GPC5: variants seen among roughly 807,000 people sequenced by gnomAD.
The protein encoded by GPC5 is glypican-5.
A neutral mutation model predicts 53.9 loss-of-function variants in GPC5; 47 were observed. The ratio of observed to expected loss-of-function variants is 0.87; its 90% CI spans 0.69 to 1.11. The LOEUF (loss-of-function observed/expected upper bound fraction) is 1.11. Among genes scored for constraint, GPC5 ranks in the 50% most tolerant of loss-of-function variants. GPC5 has a pLI of 0.00. For missense variants in GPC5, 748 were observed against 713.1 expected, an observed-to-expected ratio of 1.05 and a Z score of -0.56; for synonymous variants, 286 against 263.3, an observed-to-expected ratio of 1.09 and a Z score of -0.84.
At chr13:92,437,315 G>A (rs1429433473) in intron 7 of GPC5, among the ~76,000 whole-genome samples, 1 of 152,044 alleles carries the variant, frequency 6.6e-6, no homozygotes, top group Non-Finnish European at 1.5e-5. Context: ...TCTTTATTTA[G>A]TTTTTTGATT....
chr13:91,448,987 A>T (rs752621736), intron 2 of GPC5, 65 bp downstream of exon 2: 1 of 1,500,432 alleles, frequency 6.7e-7, no homozygotes, highest in Non-Finnish European at 9.0e-7. Context: ...TAAGATAGTT[A>T]CGTTGGCAAA....
At chr13:92,491,029 C>G (rs137994156) in intron 7 of GPC5, among the ~76,000 whole-genome samples, 1 of 152,064 alleles carries the variant, frequency 6.6e-6, no homozygotes, top group Non-Finnish European at 1.5e-5. Flanking sequence ...CAGATGGTCT[C>G]GTTACTATAT....
intron 7 of GPC5, among the ~76,000 whole-genome samples, chr13:92,534,267 G>A (rs1370707840): frequency 1.3e-5 from 2 of 152,066 alleles, no homozygotes; most frequent in Non-Finnish European, 2.9e-5. Flanking sequence ...GTGACAGAGT[G>A]CAACTCTGTC....
intron 5 of GPC5, among the ~76,000 whole-genome samples, chr13:91,808,612 C>G (rs1050065510): frequency 2.6e-5 from 4 of 152,080 alleles, no homozygotes; most frequent in African/African-American, 9.7e-5. Flanking sequence ...AGAGGAAATA[C>G]AACATATTAC....
intron 7 of GPC5, among the ~76,000 whole-genome samples, chr13:92,561,883 G>A (rs1306069260): frequency 1.3e-5 from 2 of 152,064 alleles, no homozygotes; most frequent in Admixed American, 6.6e-5. Context: ...AGAAAGGAAC[G>A]AAGAATGCAC....
chr13:91,599,309 A>G (rs1251968504), intron 2 of GPC5, among the ~76,000 whole-genome samples: 1 of 152,170 alleles, frequency 6.6e-6, no homozygotes, highest in Admixed American at 6.5e-5. Flanking sequence ...GTTACTAAAA[A>G]TATAACTACT....
chr13:92,329,195 G>A (rs1200585158), intron 7 of GPC5, among the ~76,000 whole-genome samples: 1 of 152,106 alleles, frequency 6.6e-6, no homozygotes, highest in Non-Finnish European at 1.5e-5. Flanking sequence ...TGATAAATAA[G>A]GCAGGCTTAC....
chr13:92,141,890 A>T (rs1448807829), intron 6 of GPC5, among the ~76,000 whole-genome samples: 1 of 152,136 alleles, frequency 6.6e-6, no homozygotes, highest in Non-Finnish European at 1.5e-5. Flanking sequence ...CCAAGAGGCC[A>T]CTAGTGGTAC....
At chr13:92,717,375 A>T (rs1888367691) in intron 7 of GPC5, among the ~76,000 whole-genome samples, 1 of 152,162 alleles carries the variant, frequency 6.6e-6, no homozygotes, top group South Asian at 2.1e-4. Flanking sequence ...TACCATGAAT[A>T]TAATATTTAC....
intron 6 of GPC5, among the ~76,000 whole-genome samples, chr13:91,975,353 ATT>A (rs899172986): frequency 6.6e-6 from 1 of 152,096 alleles, no homozygotes; most frequent in African/African-American, 2.4e-5. Flanking sequence ...ATGGGAGAAA[ATT>A]TTTGCAACCT....
chr13:92,063,349 G>A (rs140166022), intron 6 of GPC5, among the ~76,000 whole-genome samples: 1 of 151,952 alleles, frequency 6.6e-6, no homozygotes, highest in African/African-American at 2.4e-5. Context: ...AAATGTCATG[G>A]TGAAGTATTT....
chr13:92,505,080 G>C (rs12430310), intron 7 of GPC5, among the ~76,000 whole-genome samples: 46,870 of 151,288 alleles, frequency 0.31, 8,557 homozygotes, highest in East Asian at 0.68. Context: ...GTCTCCTAAA[G>C]TTACAGTTCA....
intron 6 of GPC5, among the ~76,000 whole-genome samples, chr13:92,083,743 T>A (rs2041315031): frequency 6.6e-6 from 1 of 152,140 alleles, no homozygotes; most frequent in Non-Finnish European, 1.5e-5. Flanking sequence ...TTCTAGGTCT[T>A]TTAGGAATTG....
intron 5 of GPC5, among the ~76,000 whole-genome samples, chr13:91,816,089 C>T (rs2038395008): frequency 6.6e-6 from 1 of 152,100 alleles, no homozygotes; most frequent in Admixed American, 6.5e-5. Context: ...AGGGAGAGAT[C>T]AGTAAGGCCT....
rs527385006 is a variant in GPC5 at position 91,405,415 on chromosome 13, A to G, written c.163+6206A>G. Among the ~76,000 whole-genome samples, 6 of 152,332 alleles carry G rather than the reference A, an allele frequency of 3.9e-5. No homozygotes were observed. In the East Asian group the frequency reaches 9.6e-4, roughly 24 times the overall value. Reference sequence around the variant, plus strand: ...CAAACTTGTCCTCGTTGAAAACCACAGGTGTGAACTCTTCAACCTGTGGGT... The same window carrying G: ...CAAACTTGTCCTCGTTGAAAACCACGGGTGTGAACTCTTCAACCTGTGGGT... On this transcript the variant is annotated intron_variant, in intron 1 of 7. Coordinates refer to ENST00000377067, the MANE Select transcript of GPC5 (RefSeq NM_004466.6).
intron 7 of GPC5, among the ~76,000 whole-genome samples, chr13:92,180,388 A>G (rs1388535495): frequency 6.6e-6 from 1 of 152,214 alleles, no homozygotes; most frequent in African/African-American, 2.4e-5. Flanking sequence ...CACAACAACA[A>G]TTTAAGCTGG....
chr13:92,811,726 T>C (rs777758434), intron 7 of GPC5, among the ~76,000 whole-genome samples: 16 of 152,002 alleles, frequency 1.1e-4, no homozygotes, highest in Non-Finnish European at 2.2e-4. Flanking sequence ...CTAAGAGATT[T>C]ATAGTTTTAG....
intron 7 of GPC5, among the ~76,000 whole-genome samples, chr13:92,276,179 G>T (rs1197777200): frequency 6.6e-6 from 1 of 152,072 alleles, no homozygotes; most frequent in Non-Finnish European, 1.5e-5. Context: ...ACATAAAGCT[G>T]GAATTTGCAT....
At chr13:92,522,148 G>A (rs1054515913) in intron 7 of GPC5, among the ~76,000 whole-genome samples, 1 of 152,262 alleles carries the variant, frequency 6.6e-6, no homozygotes, top group African/African-American at 2.4e-5. Context: ...GGAGAAATAG[G>A]AACACTTTTA....
Sources: gnomAD v4.1 joint callset for allele counts (sites outside exome capture counted in the v4.1 genomes callset) on GRCh38, gnomAD v4.1.1 for gene constraint, MANE v1.5 for transcripts, NCBI Gene and HGNC (gene_info 2026-07-23, HGNC 2026-07-21) for gene names.